Variants in RANBP2 observed in about 807,000 individuals in gnomAD.
The protein encoded by RANBP2 is E3 SUMO-protein ligase RanBP2.
A neutral mutation model predicts 303.6 loss-of-function variants in RANBP2; 57 were observed. The ratio of observed to expected loss-of-function variants is 0.19; its 90% confidence interval spans 0.15 to 0.23. The LOEUF is 0.23. Ranked by LOEUF, RANBP2 falls within the 10% of genes least tolerant of loss-of-function variation. The probability of loss-of-function intolerance (pLI) is 1.00; values close to 1 mark genes in which losing one functional copy is unlikely to be tolerated. For synonymous variants in RANBP2, 1,167 were observed against 1,301.5 expected, an observed-to-expected ratio of 0.90 and a Z score of 2.23; for missense variants, 3,138 against 3,780.8, an observed-to-expected ratio of 0.83 and a Z score of 4.46.
chr2:109,088,321 C>CA, the RANBP2 span, among the ~76,000 whole-genome samples: 7 of 149,546 alleles, frequency 4.7e-5, no homozygotes, highest in East Asian at 1.4e-3. Context: ...CGCTTGAACC[C>CA]GGGAGGCGGA....
the RANBP2 span, among the ~76,000 whole-genome samples, chr2:108,827,268 AGTT>A: frequency 6.6e-6 from 1 of 152,214 alleles, no homozygotes; most frequent in Non-Finnish European, 1.5e-5. Context: ...TAAAGTATCC[AGTT>A]GCTAAAAAGC....
chr2:109,250,106 G>A, the RANBP2 span, among the ~76,000 whole-genome samples: 3 of 79,774 alleles, frequency 3.8e-5, no homozygotes, highest in Non-Finnish European at 7.9e-5. Context: ...TTTTTTTTTT[G>A]TCTAATTAGA....
the RANBP2 span, among the ~76,000 whole-genome samples, chr2:109,558,773 G>A: frequency 1.6e-4 from 25 of 152,128 alleles, no homozygotes; most frequent in Admixed American, 1.3e-3. Flanking sequence ...ACAGGTTTGC[G>A]TAACTTGTCT....
At chr2:109,336,598 A>G in the RANBP2 span, among the ~76,000 whole-genome samples, 1 of 152,206 alleles carries the variant, frequency 6.6e-6, no homozygotes, top group Non-Finnish European at 1.5e-5. Flanking sequence ...TGTTTCCACC[A>G]CGTTGAGGCA....
At chr2:108,885,890 C>T in the RANBP2 span, among the ~76,000 whole-genome samples, 2 of 152,312 alleles carry the variant, frequency 1.3e-5, no homozygotes, top group African/African-American at 4.8e-5. Context: ...GCTGTTTTCA[C>T]TTAAAATAAT....
chr2:109,071,575 G>A, the RANBP2 span, among the ~76,000 whole-genome samples: 5 of 152,058 alleles, frequency 3.3e-5, no homozygotes, highest in East Asian at 1.9e-4. Flanking sequence ...TCAGGAGGCT[G>A]AGGCATGAGA....
At chr2:109,401,381 G>A in the RANBP2 span, among the ~76,000 whole-genome samples, 1 of 152,242 alleles carries the variant, frequency 6.6e-6, no homozygotes, top group Non-Finnish European at 1.5e-5. Context: ...TGGGTAGGTC[G>A]TTTGTCTCCT....
At chr2:109,454,530 G>A in the RANBP2 span, among the ~76,000 whole-genome samples, 5 of 152,284 alleles carry the variant, frequency 3.3e-5, no homozygotes, top group East Asian at 1.9e-4. Flanking sequence ...CGCTCCCGCC[G>A]GCTGCCTGAC....
the RANBP2 span, among the ~76,000 whole-genome samples, chr2:109,541,674 G>A: frequency 6.6e-6 from 1 of 152,338 alleles, no homozygotes; most frequent in East Asian, 1.9e-4. Context: ...ACCTTCCAGT[G>A]CACACAACAT....
At chr2:108,730,492 G>A (rs1408881513) in intron 2 of RANBP2, among the ~76,000 whole-genome samples, 2 of 152,064 alleles carry the variant, frequency 1.3e-5, no homozygotes, top group East Asian at 1.9e-4. Context: ...GGAAGAAAAA[G>A]CAATTTATAT....
chr2:109,568,615 T>G, the RANBP2 span, among the ~76,000 whole-genome samples: 1 of 152,206 alleles, frequency 6.6e-6, no homozygotes, highest in Non-Finnish European at 1.5e-5. Context: ...TCTCAAAATC[T>G]TGCAATTTCA....
chr2:109,115,819 A>C, the RANBP2 span, among the ~76,000 whole-genome samples: 1 of 152,210 alleles, frequency 6.6e-6, no homozygotes, highest in African/African-American at 2.4e-5. Context: ...CTTTTAGGGC[A>C]GGCCTGGTGG....
chr2:109,560,079 C>A, the RANBP2 span, among the ~76,000 whole-genome samples: 3 of 152,132 alleles, frequency 2.0e-5, no homozygotes, highest in African/African-American at 2.4e-5. Context: ...CGCCACCACG[C>A]CCAGCTAATT....
chr2:109,280,758 G>A, the RANBP2 span, among the ~76,000 whole-genome samples: 5 of 152,240 alleles, frequency 3.3e-5, no homozygotes, highest in African/African-American at 1.2e-4. Context: ...CTGTGAGCAT[G>A]AGCCTCGAGG....
the RANBP2 span, among the ~76,000 whole-genome samples, chr2:109,647,446 G>A: frequency 3.3e-5 from 5 of 151,852 alleles, no homozygotes; most frequent in Non-Finnish European, 7.4e-5. Flanking sequence ...ACAGGCGTGA[G>A]CCACCACACC....
chr2:108,849,641 G>C, the RANBP2 span, among the ~76,000 whole-genome samples: 2 of 151,974 alleles, frequency 1.3e-5, no homozygotes, highest in Non-Finnish European at 2.9e-5. Context: ...AAAGCTGCAG[G>C]CTCCTCAGCC....
At chr2:108,770,825 GTGTGTGT>G (rs1677446619) in intron 20 of RANBP2, among the ~76,000 whole-genome samples, 1 of 152,090 alleles carries the variant, frequency 6.6e-6, no homozygotes, top group Non-Finnish European at 1.5e-5. Context: ...AAAATCCAGT[GTGTGTGT>G]TTACACTTAC....
chr2:108,820,712 A>AAAC, the RANBP2 span, among the ~76,000 whole-genome samples: 1,471 of 22,552 alleles, frequency 0.065, 27 homozygotes, highest in East Asian at 0.39. Context: ...AAAAAAAAAA[A>AAAC]AAACAAACAA....
the RANBP2 span, among the ~76,000 whole-genome samples, chr2:108,890,426 G>A: frequency 6.6e-6 from 1 of 151,918 alleles, no homozygotes; most frequent in Non-Finnish European, 1.5e-5. Flanking sequence ...TGTGTTTTTG[G>A]TAGAGAAGCG....
Sources: allele counts gnomAD v4.1 joint callset (sites outside exome capture counted in the v4.1 genomes callset), GRCh38; gene constraint gnomAD v4.1.1; transcripts MANE v1.5; gene names NCBI Gene and HGNC (gene_info 2026-07-23, HGNC 2026-07-21).